COLEC12: variants seen among roughly 807,000 people sequenced by gnomAD.
The protein encoded by COLEC12 is collectin subfamily member 12.
A neutral mutation model predicts 71.1 loss-of-function variants in COLEC12; 33 were observed. The observed-to-expected ratio is 0.46, with a 90% CI of 0.35 to 0.62. COLEC12 has a LOEUF of 0.62. Among genes scored for constraint, COLEC12 ranks in the 20% least tolerant of loss-of-function variants. The pLI, the probability that COLEC12 is intolerant of heterozygous loss-of-function variation, is 0.00. For synonymous variants in COLEC12, 350 were observed against 353.0 expected (o/e 0.99, Z 0.10); for missense variants, 765 against 916.1 (o/e 0.84, Z 2.13).
At chr18:366,845 T>C (rs1914866836) in intron 2 of COLEC12, among the ~76,000 whole-genome samples, 1 of 152,194 alleles carries the variant, frequency 6.6e-6, no homozygotes, top group Non-Finnish European at 1.5e-5. Context: ...GGTATGGATG[T>C]CCTGGGAGAG....
intron 2 of COLEC12, among the ~76,000 whole-genome samples, chr18:415,269 C>T (rs1479844889): frequency 6.6e-6 from 1 of 152,188 alleles, no homozygotes; most frequent in African/African-American, 2.4e-5. Context: ...CCAGACAACT[C>T]GAAGTCAGGA....
intron 2 of COLEC12, among the ~76,000 whole-genome samples, chr18:403,538 C>T (rs942045573): frequency 6.6e-6 from 1 of 152,126 alleles, no homozygotes; most frequent in Non-Finnish European, 1.5e-5. Flanking sequence ...TGTGAGACAA[C>T]GTGTGTTTTG....
chr18:379,203 G>T (rs1462505949), intron 2 of COLEC12, among the ~76,000 whole-genome samples: 4 of 151,830 alleles, frequency 2.6e-5, no homozygotes, highest in Admixed American at 2.6e-4. Context: ...GCTCACTGAA[G>T]CCTTGACCTC....
At chr18:432,621 A>T (rs1473773324) in intron 2 of COLEC12, among the ~76,000 whole-genome samples, 1 of 152,180 alleles carries the variant, frequency 6.6e-6, no homozygotes, top group Non-Finnish European at 1.5e-5. Context: ...GAATGCAGAA[A>T]ACTTCTTCCA....
chr18:380,600 TACAC>T (rs1326602050), intron 2 of COLEC12, among the ~76,000 whole-genome samples: 2 of 152,112 alleles, frequency 1.3e-5, no homozygotes, highest in Admixed American at 6.5e-5. Flanking sequence ...CACACTCACA[TACAC>T]ACACTCACAC....
At chr18:410,626 T>C (rs1915874503) in intron 2 of COLEC12, among the ~76,000 whole-genome samples, 1 of 152,084 alleles carries the variant, frequency 6.6e-6, no homozygotes. Flanking sequence ...CGTTTCACCA[T>C]GTTGCCCAGG....
At chr18:446,532 T>C (rs1012752027) in intron 2 of COLEC12, among the ~76,000 whole-genome samples, 1 of 136,720 alleles carries the variant, frequency 7.3e-6, no homozygotes, top group African/African-American at 2.8e-5. Flanking sequence ...CAAGACCCTA[T>C]CTCTGTAAAA....
At chr18:340,732 G>A (rs142742591) in intron 5 of COLEC12, among the ~76,000 whole-genome samples, 5 of 152,276 alleles carry the variant, frequency 3.3e-5, no homozygotes, top group East Asian at 3.9e-4. Context: ...AATCTGATAC[G>A]TTTTTCTTCT....
intron 2 of COLEC12, among the ~76,000 whole-genome samples, chr18:421,356 G>T (rs893098509): frequency 1.3e-5 from 2 of 152,016 alleles, no homozygotes; most frequent in African/African-American, 2.4e-5. Flanking sequence ...ATCTCCCATT[G>T]TCTGTTTCCC....
intron 2 of COLEC12, among the ~76,000 whole-genome samples, chr18:463,202 C>G (rs776036125): frequency 7.9e-5 from 12 of 152,190 alleles, no homozygotes; most frequent in Non-Finnish European, 1.8e-4. Flanking sequence ...TTTACTTACC[C>G]TTGGCAAAGT....
chr18:328,097 G>A (rs1292410833), intron 8 of COLEC12, among the ~76,000 whole-genome samples: 1 of 151,958 alleles, frequency 6.6e-6, no homozygotes, highest in East Asian at 1.9e-4. Context: ...CTCAGCCTAC[G>A]CTTTCTATTT....
intron 2 of COLEC12, among the ~76,000 whole-genome samples, chr18:420,973 A>G (rs1055588010): frequency 4.6e-5 from 7 of 152,152 alleles, no homozygotes; most frequent in Admixed American, 2.0e-4. Flanking sequence ...GACCACATCT[A>G]TAGTTTAGAC....
intron 1 of COLEC12, among the ~76,000 whole-genome samples, chr18:494,829 C>T (rs535461478): frequency 5.3e-5 from 8 of 152,252 alleles, no homozygotes; most frequent in South Asian, 4.1e-4. Context: ...AAACATCCAA[C>T]GTCACAGGCT....
chr18:335,190 G>A lies in COLEC12; in HGVS notation c.1368C>T (p.Ser456=), dbSNP rs559261134. 8.1e-6 allele frequency: 13 copies of A among 1,611,002 alleles called. No homozygotes were observed. In the South Asian group the frequency reaches 1.4e-4, roughly 18 times the overall value. Residue 456 remains serine, a synonymous_variant, in exon 6 of 10, where the codon TCC becomes TCT. Coordinates refer to ENST00000400256, the MANE Select transcript of COLEC12 (RefSeq NM_130386.3). ...TGCCAGTTGGGCCAGGGGGTCCCTG[G>A]GATCCTCTGTCACCTCTTGGACCCC... is the stretch of plus-strand genomic sequence containing the variant. ...GPRGPRGDRG[S]QGPPGPTGNK...
intron 2 of COLEC12, among the ~76,000 whole-genome samples, chr18:439,419 C>T (rs925350362): frequency 6.6e-6 from 1 of 150,540 alleles, no homozygotes; most frequent in African/African-American, 2.4e-5. Flanking sequence ...CTGGAACACA[C>T]ACAGAGAGAA....
intron 1 of COLEC12, among the ~76,000 whole-genome samples, chr18:496,195 C>T (rs1278288815): frequency 2.0e-5 from 3 of 152,050 alleles, no homozygotes; most frequent in African/African-American, 4.8e-5. Flanking sequence ...AAATGAGATA[C>T]TCTGTTATGA....
At chr18:425,024 G>A (rs1443188969) in intron 2 of COLEC12, among the ~76,000 whole-genome samples, 4 of 146,366 alleles carry the variant, frequency 2.7e-5, no homozygotes, top group African/African-American at 1.0e-4. Context: ...TCCTGTACTT[G>A]GTTTTTTTCC....
chr18:469,813 T>C (rs543447934), intron 2 of COLEC12, among the ~76,000 whole-genome samples: 2 of 152,350 alleles, frequency 1.3e-5, no homozygotes, highest in Non-Finnish European at 2.9e-5. Context: ...TTGGGAAGCC[T>C]TTGATGAGGC....
intron 2 of COLEC12, among the ~76,000 whole-genome samples, chr18:416,320 G>T (rs1182214572): frequency 6.6e-6 from 1 of 152,162 alleles, no homozygotes. Flanking sequence ...GGCTGCTGGA[G>T]GTGACTGAAA....
Sources: gnomAD v4.1 joint callset for allele counts (sites outside exome capture counted in the v4.1 genomes callset) on GRCh38, gnomAD v4.1.1 for gene constraint, MANE v1.5 for transcripts, NCBI Gene and HGNC (gene_info 2026-07-23, HGNC 2026-07-21) for gene names.